Variants in COL24A1 observed in about 807,000 individuals in gnomAD.
COL24A1 encodes collagen type XXIV alpha 1 chain.
A neutral mutation model predicts 253.9 loss-of-function variants in COL24A1; 224 were observed. The observed-to-expected ratio is 0.88, with a 90% CI of 0.79 to 0.99. The LOEUF is 0.99. Among genes scored for constraint, COL24A1 ranks in the 50% least tolerant of loss-of-function variants. COL24A1 has a pLI of 0.00. For synonymous variants in COL24A1, 685 were observed against 673.7 expected (o/e 1.02, Z -0.26); for missense variants, 2,131 against 2,068.5 (o/e 1.03, Z -0.59).
intron 7 of COL24A1, among the ~76,000 whole-genome samples, chr1:86,080,042 G>A (rs1198666846): frequency 6.6e-6 from 1 of 152,102 alleles, no homozygotes; most frequent in Admixed American, 6.5e-5. Flanking sequence ...ACAGATGAAT[G>A]GATAAAGAAA....
At chr1:85,913,595 T>A (rs1685582885) in intron 24 of COL24A1, among the ~76,000 whole-genome samples, 1 of 152,216 alleles carries the variant, frequency 6.6e-6, no homozygotes, top group Non-Finnish European at 1.5e-5. Flanking sequence ...CCGGCCACTT[T>A]GGGCTTCTTA....
chr1:85,988,379 AAAAG>A (rs1185460771), intron 19 of COL24A1, among the ~76,000 whole-genome samples: 4 of 152,042 alleles, frequency 2.6e-5, no homozygotes, highest in African/African-American at 9.6e-5. Context: ...CAAGAAATGA[AAAAG>A]AAATAGAAAT....
At chr1:85,734,458 T>A (rs184730192) in intron 59 of COL24A1, among the ~76,000 whole-genome samples, 1 of 152,314 alleles carries the variant, frequency 6.6e-6, no homozygotes, top group Admixed American at 6.5e-5. Context: ...TATCCATCCA[T>A]CCATCCTGGT....
intron 10 of COL24A1, among the ~76,000 whole-genome samples, chr1:86,056,258 T>C (rs1010010466): frequency 1.3e-5 from 2 of 152,240 alleles, no homozygotes; most frequent in African/African-American, 4.8e-5. Flanking sequence ...ATTATGTGAT[T>C]ACTTAATGCA....
intron 18 of COL24A1, among the ~76,000 whole-genome samples, chr1:86,019,970 G>A (rs1249532036): frequency 6.6e-6 from 1 of 150,734 alleles, no homozygotes; most frequent in Admixed American, 6.6e-5. Flanking sequence ...ATATTAGTAA[G>A]TACTATGTCT....
chr1:85,744,859 A>G, intron 56 of COL24A1, 25 bp from the exon 57 acceptor site: 1 of 1,595,890 alleles, frequency 6.3e-7, no homozygotes, highest in Non-Finnish European at 8.5e-7. Flanking sequence ...TAAGAATTAT[A>G]TAAGCAAAAA....
At chr1:86,140,083 T>C (rs903303738) in intron 2 of COL24A1, among the ~76,000 whole-genome samples, 7 of 152,220 alleles carry the variant, frequency 4.6e-5, no homozygotes, top group Admixed American at 4.6e-4. Flanking sequence ...CTTCTTCTAA[T>C]CAAAGTTATT....
intron 5 of COL24A1, among the ~76,000 whole-genome samples, chr1:86,111,235 A>G (rs1210988611): frequency 6.6e-6 from 1 of 151,204 alleles, no homozygotes; most frequent in East Asian, 1.9e-4. Context: ...ACCAATCAGC[A>G]CTCTGTATCT....
intron 5 of COL24A1, among the ~76,000 whole-genome samples, chr1:86,101,741 G>T (rs1285569585): frequency 2.0e-5 from 3 of 152,154 alleles, no homozygotes; most frequent in South Asian, 4.1e-4. Flanking sequence ...AAGTCTGCTT[G>T]ATCATAGTGG....
Position 85,876,519 on chromosome 1 carries a change from A to C in COL24A1, c.3030+603T>G, listed in dbSNP as rs1391631008. ...TTGGATCTGAGGAGAGAGGTATAAAATACAGCTACCAAGTTGAGAGCTATC... is the reference window on the plus strand; with the variant it reads ...TTGGATCTGAGGAGAGAGGTATAAACTACAGCTACCAAGTTGAGAGCTATC... On this transcript the variant is annotated intron_variant, in intron 33 of 59. Transcript: ENST00000370571. Among the ~76,000 whole-genome samples the C allele has an allele frequency of 2.6e-5, 4 of 152,188 alleles. No homozygotes were observed. In the East Asian group the frequency reaches 7.7e-4, roughly 29 times the overall value.
intron 14 of COL24A1, among the ~76,000 whole-genome samples, chr1:86,026,990 C>T (rs943875743): frequency 6.6e-6 from 1 of 152,124 alleles, no homozygotes; most frequent in African/African-American, 2.4e-5. Context: ...GCATTTTGCC[C>T]TGCCCTAAAG....
chr1:86,048,667 T>C (rs753942347), intron 11 of COL24A1, among the ~76,000 whole-genome samples: 5 of 152,096 alleles, frequency 3.3e-5, no homozygotes, highest in Non-Finnish European at 7.4e-5. Context: ...ATTTTTTGTA[T>C]TTTTAGTAGA....
At chr1:86,095,703 T>C (rs1298922259) in intron 5 of COL24A1, among the ~76,000 whole-genome samples, 1 of 152,100 alleles carries the variant, frequency 6.6e-6, no homozygotes, top group Non-Finnish European at 1.5e-5. Flanking sequence ...CATTAATTAA[T>C]CATAACTGAC....
At chr1:85,967,185 G>GT (rs1691653319) in intron 22 of COL24A1, among the ~76,000 whole-genome samples, 1 of 152,158 alleles carries the variant, frequency 6.6e-6, no homozygotes, top group African/African-American at 2.4e-5. Context: ...TCAGAAAACT[G>GT]TAAGTTCTCT....
chr1:86,132,562 C>A (rs1442754563), intron 2 of COL24A1, among the ~76,000 whole-genome samples: 2 of 152,146 alleles, frequency 1.3e-5, no homozygotes, highest in African/African-American at 4.8e-5. Flanking sequence ...AGGAAGGGAT[C>A]CATTTTCAGC....
intron 1 of COL24A1, among the ~76,000 whole-genome samples, chr1:86,148,373 A>G (rs1652217771): frequency 6.6e-6 from 1 of 151,698 alleles, no homozygotes; most frequent in Non-Finnish European, 1.5e-5. Flanking sequence ...TTATACTTTA[A>G]GTTTTAGGGT....
chr1:86,129,766 C>A (rs984383879), intron 2 of COL24A1, among the ~76,000 whole-genome samples: 17 of 151,890 alleles, frequency 1.1e-4, no homozygotes, highest in African/African-American at 4.1e-4. Context: ...GGTGTCTAAT[C>A]AGCACTTTCT....
intron 51 of COL24A1, among the ~76,000 whole-genome samples, chr1:85,782,435 C>T (rs1454760005): frequency 6.6e-6 from 1 of 152,076 alleles, no homozygotes; most frequent in African/African-American, 2.4e-5. Flanking sequence ...GGTACATGTG[C>T]ACAACGTGCA....
At chr1:85,972,003 G>A (rs562385649) in intron 20 of COL24A1, among the ~76,000 whole-genome samples, 10 of 152,140 alleles carry the variant, frequency 6.6e-5, no homozygotes, top group East Asian at 5.8e-4. Flanking sequence ...GTTAAAAATC[G>A]ATTGCTCTCT....
Sources: gnomAD v4.1 joint callset for allele counts (sites outside exome capture counted in the v4.1 genomes callset) on GRCh38, gnomAD v4.1.1 for gene constraint, MANE v1.5 for transcripts, NCBI Gene and HGNC (gene_info 2026-07-23, HGNC 2026-07-21) for gene names.